BRINP1: variants seen among roughly 807,000 people sequenced by gnomAD.
BRINP1 encodes the protein BMP/retinoic acid inducible neural specific 1.
BRINP1 carries 17 observed loss-of-function variants against 72.9 expected under a neutral mutation model. The observed-to-expected ratio is 0.23, with a 90% CI of 0.16 to 0.35. BRINP1 has a LOEUF of 0.35. BRINP1 is among the 10% of genes least tolerant of loss of function. The pLI is 1.00. For synonymous variants in BRINP1, 418 were observed against 378.5 expected (o/e 1.10, Z -1.21); for missense variants, 850 against 1,001.6 (o/e 0.85, Z 2.04).
chr9:119,228,787 G>T (rs1830119703), intron 5 of BRINP1, among the ~76,000 whole-genome samples: 1 of 152,026 alleles, frequency 6.6e-6, no homozygotes, highest in Non-Finnish European at 1.5e-5. Context: ...CACCTCCATT[G>T]TTCCAATGGG....
At chr9:119,283,951 C>G (rs1052398725) in intron 2 of BRINP1, among the ~76,000 whole-genome samples, 5 of 152,228 alleles carry the variant, frequency 3.3e-5, no homozygotes, top group South Asian at 2.1e-4. Context: ...TGGACCACCA[C>G]CAGCAGCATC....
chr9:119,319,182 G>A (rs1391951401), intron 1 of BRINP1, among the ~76,000 whole-genome samples: 1 of 151,994 alleles, frequency 6.6e-6, no homozygotes. Flanking sequence ...GTGGCAAATT[G>A]GGCTAGACTC....
At chr9:119,232,539 G>A (rs1376862541) in intron 5 of BRINP1, among the ~76,000 whole-genome samples, 2 of 152,014 alleles carry the variant, frequency 1.3e-5, no homozygotes, top group Admixed American at 6.6e-5. Flanking sequence ...TTATAAAGAA[G>A]TTTTTTTATT....
At chr9:119,170,841 C>CAAAG (rs1416727679) in intron 7 of BRINP1, among the ~76,000 whole-genome samples, 3 of 143,338 alleles carry the variant, frequency 2.1e-5, no homozygotes, top group African/African-American at 8.4e-5. Flanking sequence ...ATTCTTAAAG[C>CAAAG]AAAGAATTTT....
intron 1 of BRINP1, among the ~76,000 whole-genome samples, chr9:119,359,414 C>T (rs1220257622): frequency 1.3e-5 from 2 of 152,150 alleles, no homozygotes; most frequent in African/African-American, 2.4e-5. Context: ...ATTGCCCAGG[C>T]TGGTCTCAAA....
chr9:119,264,036 C>A (rs1051629720), intron 2 of BRINP1, among the ~76,000 whole-genome samples: 5 of 152,148 alleles, frequency 3.3e-5, no homozygotes, highest in African/African-American at 7.2e-5. Context: ...CAATACAGAG[C>A]CCCTGGAATC....
chr9:119,202,196 G>T (rs76522668), intron 7 of BRINP1, among the ~76,000 whole-genome samples: 5,671 of 152,110 alleles, frequency 0.037, 318 homozygotes, highest in African/African-American at 0.13. Flanking sequence ...TCATAAAGTG[G>T]GATAAATTAG....
chr9:119,270,983 A>T (rs1280922541), intron 2 of BRINP1, among the ~76,000 whole-genome samples: 1 of 152,192 alleles, frequency 6.6e-6, no homozygotes, highest in African/African-American at 2.4e-5. Flanking sequence ...ATAAATAATT[A>T]TAAGAAATAA....
intron 1 of BRINP1, among the ~76,000 whole-genome samples, chr9:119,318,666 C>T (rs1163038659): frequency 6.6e-6 from 1 of 152,176 alleles, no homozygotes; most frequent in Non-Finnish European, 1.5e-5. Context: ...ATACAACACA[C>T]TGAAGTCACA....
chr9:119,244,485 T>C (rs1830292279), intron 3 of BRINP1, among the ~76,000 whole-genome samples: 1 of 152,108 alleles, frequency 6.6e-6, no homozygotes, highest in Admixed American at 6.6e-5. Flanking sequence ...GATAGATAGA[T>C]AGATGAGTGG....
intron 1 of BRINP1, among the ~76,000 whole-genome samples, chr9:119,367,111 G>A (rs571716351): frequency 6.6e-6 from 1 of 151,514 alleles, no homozygotes; most frequent in Admixed American, 6.6e-5. Context: ...ATGTCTGCAA[G>A]TGCCTGCAGG....
Position 119,197,044 on chromosome 9 carries a change from GA to G in BRINP1, c.1145+11674del, listed in dbSNP as rs1321178060. 1.3e-3 allele frequency among the ~76,000 whole-genome samples: 200 copies of G among 152,310 alleles called. 1 individual carries two copies. The highest frequency in any genetic ancestry group is 4.7e-3 in the African/African-American group (194 of 41,570). On this transcript the variant is annotated intron_variant, in intron 7 of 7. Coordinates refer to ENST00000265922, the MANE Select transcript of BRINP1 (RefSeq NM_014618.3). ...CACTGAGGAAACATTGGTTAGCAAG[GA>G]AAACAAGTTATCTGCCTTCACTGAA...
chr9:119,262,645 C>CAAAA (rs55738449), intron 2 of BRINP1, among the ~76,000 whole-genome samples: 7 of 62,956 alleles, frequency 1.1e-4, no homozygotes, highest in Admixed American at 2.1e-4. Flanking sequence ...GACTCCAACT[C>CAAAA]AAAAAAAAAA....
At chr9:119,169,663 C>T (rs1352805362) in intron 7 of BRINP1, among the ~76,000 whole-genome samples, 147 of 138,686 alleles carry the variant, frequency 1.1e-3, no homozygotes, top group South Asian at 2.1e-3. Flanking sequence ...TCTGTAGGCT[C>T]CACCTCTGGG....
At chr9:119,192,410 C>T (rs230085) in intron 7 of BRINP1, among the ~76,000 whole-genome samples, 48,810 of 151,754 alleles carry the variant, frequency 0.32, 9,703 homozygotes, top group African/African-American at 0.57. Context: ...GAAAAACAAA[C>T]AACCCAATTT....
At chr9:119,347,194 T>G (rs1831460716) in intron 1 of BRINP1, among the ~76,000 whole-genome samples, 1 of 152,182 alleles carries the variant, frequency 6.6e-6, no homozygotes, top group South Asian at 2.1e-4. Context: ...TGCAATCTGC[T>G]ACTTGCACAG....
intron 2 of BRINP1, among the ~76,000 whole-genome samples, chr9:119,295,411 C>A (rs772921986): frequency 1.2e-4 from 18 of 152,312 alleles, no homozygotes; most frequent in Admixed American, 8.5e-4. Flanking sequence ...TCCTACTACA[C>A]ACCTAGGCTC....
intron 2 of BRINP1, among the ~76,000 whole-genome samples, chr9:119,264,722 G>A (rs1281797523): frequency 1.3e-5 from 2 of 152,192 alleles, no homozygotes; most frequent in Non-Finnish European, 2.9e-5. Flanking sequence ...CCAGGCTGGA[G>A]TGCAGTGGCT....
chr9:119,312,784 A>T (rs1162334153), intron 2 of BRINP1, among the ~76,000 whole-genome samples: 1 of 152,206 alleles, frequency 6.6e-6, no homozygotes, highest in African/African-American at 2.4e-5. Flanking sequence ...GACATTAGAC[A>T]AGTAACTCAA....
Sources: allele counts gnomAD v4.1 joint callset (sites outside exome capture counted in the v4.1 genomes callset), GRCh38; gene constraint gnomAD v4.1.1; transcripts MANE v1.5; gene names NCBI Gene and HGNC (gene_info 2026-07-23, HGNC 2026-07-21).